SLC34A3: variants seen among roughly 807,000 people sequenced by gnomAD.
The protein encoded by SLC34A3 is solute carrier family 34 member 3.
In SLC34A3, 60 loss-of-function variants were observed where a neutral mutation model predicts 43.9. That is an observed-to-expected ratio of 1.37 (90% CI 1.11 to 1.70). The LOEUF (loss-of-function observed/expected upper bound fraction) is 1.70. Ranked by LOEUF, SLC34A3 falls within the 40% of genes most tolerant of loss-of-function variation. The probability of loss-of-function intolerance (pLI) is 0.00; values close to 1 mark genes in which losing one functional copy is unlikely to be tolerated. For missense variants in SLC34A3, 969 were observed against 823.8 expected (o/e 1.18, Z -2.16); for synonymous variants, 451 against 386.2 (o/e 1.17, Z -1.97).
chr9:137,234,983 GTCCCTGGGGGCCTGC>G lies in SLC34A3; in HGVS notation c.1335+253_1335+267del, dbSNP rs1367467288. Among the ~76,000 whole-genome samples, 1 of 152,096 alleles carries G rather than the reference GTCCCTGGGGGCCTGC, an allele frequency of 6.6e-6. No homozygotes were observed. Among genetic ancestry groups the G allele is most frequent in the East Asian group, 1.9e-4 (1 of 5,184 alleles). On this transcript the variant is annotated intron_variant, in intron 12 of 12. Coordinates refer to ENST00000673835, the MANE Select transcript of SLC34A3 (RefSeq NM_001177316.2). The surrounding 1 kb of genome is among the most constrained non-coding windows in gnomAD (Gnocchi z 6.9). Reference sequence around the variant, plus strand: ...CCACATTTTCTCAGCTCTTTGCTGTGTCCCTGGGGGCCTGCCCCCAGCATCTCAGGGGGCTCTAAG... The same window carrying G: ...CCACATTTTCTCAGCTCTTTGCTGTGCCCCAGCATCTCAGGGGGCTCTAAG...
At chr9:137,235,737 G>GCTGGA (rs1220642230) in intron 12 of SLC34A3, among the ~76,000 whole-genome samples, 1 of 152,234 alleles carries the variant, frequency 6.6e-6, no homozygotes, top group African/African-American at 2.4e-5. Context: ...GGGGTGCTGG[G>GCTGGA]CTGGACTGCA....
intron 7 of SLC34A3, 53 bp from the exon 8 acceptor site, chr9:137,233,580 G>A: frequency 6.3e-7 from 1 of 1,589,136 alleles, no homozygotes; most frequent in Admixed American, 1.7e-5. Flanking sequence ...CAGAGCCCCG[G>A]GTGAGTCCTG....
At chr9:137,232,381 C>T (rs1046623361) in intron 3 of SLC34A3, among the ~76,000 whole-genome samples, 194 bp from the exon 4 acceptor site, 8 of 152,216 alleles carry the variant, frequency 5.3e-5, no homozygotes, top group South Asian at 2.1e-4. Flanking sequence ...CCTGCTCCTG[C>T]GAGGGAGGGT....
At chr9:137,232,267 A>G in intron 3 of SLC34A3, 106 bp downstream of exon 3, 1 of 1,130,252 alleles carries the variant, frequency 8.8e-7, no homozygotes, top group Non-Finnish European at 1.3e-6. Flanking sequence ...GTGTGTGGGG[A>G]ACTCCGCCAT....
chr9:137,235,827 T>A, intron 12 of SLC34A3, 125 bp from the exon 13 acceptor site: 2 of 866,858 alleles, frequency 2.3e-6, no homozygotes. Flanking sequence ...GGCCATCTCA[T>A]CCGTGAAGCA....
intron 8 of SLC34A3, 57 bp downstream of exon 8, chr9:137,233,779 T>TACCCCCCCCCCCCC: frequency 6.9e-7 from 1 of 1,445,826 alleles, no homozygotes. Flanking sequence ...TGCTGAGTCA[T>TACCCCCCCCCCCCC]CCCGCCCCAC....
chr9:137,232,916 T>C lies in SLC34A3; in HGVS notation c.437T>C (p.Val146Ala). 6.6e-7 allele frequency: 1 copy of C among 1,524,844 alleles called. No homozygotes were observed. Among genetic ancestry groups the C allele is most frequent in the Non-Finnish European group, 8.9e-7 (1 of 1,129,004 alleles). 94.5% of individuals were successfully genotyped at this position (1,524,844 alleles called of 1,614,324 possible). The change falls in exon 5 of 13, where the codon GTG (valine) becomes GCG (alanine). Residue 146 changes from valine (V) to alanine (A), a missense_variant. Val to Ala is a moderately conservative substitution (Grantham distance 64). Transcript: ENST00000673835. ...TCCTCCTCCATCGTGGTCAGCATGGTGGCTGCTAAGCGTGGGTGCACACTC... is the reference window on the plus strand; with the variant it reads ...TCCTCCTCCATCGTGGTCAGCATGGCGGCTGCTAAGCGTGGGTGCACACTC... Reference protein sequence around the residue: ...STSSSIVVSMVAAKLLTVRVS... With the variant: ...STSSSIVVSMAAAKLLTVRVS...
intron 12 of SLC34A3, among the ~76,000 whole-genome samples, chr9:137,235,107 T>A (rs544241720): frequency 1.2e-4 from 18 of 151,270 alleles, no homozygotes; most frequent in Admixed American, 3.3e-4. Context: ...CAGGTCCCCA[T>A]CTGGACGACC....
chr9:137,233,779 T>TTGGGGCCCCCCCCCCCCCCCCCCCC, intron 8 of SLC34A3, 57 bp downstream of exon 8: 12 of 1,445,642 alleles, frequency 8.3e-6, no homozygotes, highest in Non-Finnish European at 9.6e-6. Context: ...TGCTGAGTCA[T>TTGGGGCCCCCCCCCCCCCCCCCCCC]CCCGCCCCAC....
At position 137,234,591 on chromosome 9, in the gene SLC34A3, C is replaced by T; in HGVS notation, c.1211-16C>T. The T allele has an allele frequency of 1.2e-6, 2 of 1,612,120 alleles. No individual in the cohort carries two copies. The highest frequency in any genetic ancestry group is 1.7e-6 in the Non-Finnish European group (2 of 1,179,742). ...GGCTCGGGCTGGGGTCCTGTGGTGA[C>T]TCCCAGTTCCCCCAGGGGTCGGGGT... On this transcript the variant is annotated splice_polypyrimidine_tract_variant and intron_variant, in intron 11 of 12. Transcript: ENST00000673835. This position sits in a 1 kb window ranked among gnomAD's most constrained non-coding sequence, Gnocchi z 6.9.
chr9:137,232,837 G>A lies in SLC34A3; in HGVS notation c.358G>A (p.Ala120Thr). 4 of 1,613,072 alleles carry A rather than the reference G, an allele frequency of 2.5e-6. No individual in the cohort carries two copies. Among genetic ancestry groups the A allele is most frequent in the Non-Finnish European group, 3.4e-6 (4 of 1,179,970 alleles). ...CAACGTGGTGCTGTCCAACCCTGTG[G>A]CTGGACTGGTCATTGGCGTGCTGGT... ...KDNVVLSNPV[A>T]GLVIGVLVTA... Residue 120 changes from alanine to threonine, a missense_variant, in exon 5 of 13, where the codon GCT becomes ACT. Coordinates refer to ENST00000673835, the MANE Select transcript of SLC34A3 (RefSeq NM_001177316.2).
Position 137,234,773 on chromosome 9 carries a change from C to T in SLC34A3, c.1335+42C>T, listed in dbSNP as rs745704443. The T allele has an allele frequency of 7.5e-6, 12 of 1,600,508 alleles. No individual in the cohort carries two copies. The highest frequency in any genetic ancestry group is 1.0e-5 in the Non-Finnish European group (12 of 1,179,674). On this transcript the variant is annotated intron_variant, in intron 12 of 12. Transcript: ENST00000673835. The surrounding 1 kb of genome is among the most constrained non-coding windows in gnomAD (Gnocchi z 6.9). ...CCCGCTGCCAGAACTGGCCAGCTTC[C>T]TCTCAGCCCCACAGACAGGAGTGTG...
Position 137,232,694 on chromosome 9 carries a change from C to A in SLC34A3, c.295C>A (p.Leu99Met), listed in dbSNP as rs1274750517. ...GGACGTCCTCAGCTCCGCCTTCCAGCTGCTGGGCAGTGAGTGACGGGACGG... is the reference window on the plus strand; with the variant it reads ...GGACGTCCTCAGCTCCGCCTTCCAGATGCTGGGCAGTGAGTGACGGGACGG... Reference protein sequence around the residue: ...SLDVLSSAFQLLGSKVAGDIF... With the variant: ...SLDVLSSAFQMLGSKVAGDIF... The change falls in exon 4 of 13, where the codon CTG becomes ATG. Residue 99 changes from leucine (L) to methionine (M), a missense_variant. Leu to Met is a conservative substitution (Grantham distance 15, BLOSUM62 2). Coordinates refer to ENST00000673835, the MANE Select transcript of SLC34A3 (RefSeq NM_001177316.2). 1 of 1,612,938 alleles carries A rather than the reference C, an allele frequency of 6.2e-7. No individual in the cohort carries two copies. The highest frequency in any genetic ancestry group is 8.5e-7 in the Non-Finnish European group (1 of 1,179,960).
rs761869309 is a variant in SLC34A3 at position 137,233,053 on chromosome 9, C to T, written c.498C>T (p.Gly166=). 6.2e-7 allele frequency: 1 copy of T among 1,611,876 alleles called. No individual in the cohort carries two copies. The highest frequency in any genetic ancestry group is 1.3e-5 in the African/African-American group (1 of 74,974). The change falls in exon 6 of 13, where the codon GGC becomes GGT. Residue 166 remains glycine, a synonymous_variant. Transcript: ENST00000673835. Reference sequence around the variant, plus strand: ...CCATCATCATGGGTGTCAACGTAGGCACATCCATCACCAGCACCCTGGTCT... The same window carrying T: ...CCATCATCATGGGTGTCAACGTAGGTACATCCATCACCAGCACCCTGGTCT... ...SVPIIMGVNV[G]TSITSTLVSM...
At chr9:137,233,779 T>TTGGCGCCCCCCCC in intron 8 of SLC34A3, 57 bp downstream of exon 8, 2 of 1,445,822 alleles carry the variant, frequency 1.4e-6, no homozygotes, top group Non-Finnish European at 1.9e-6. Context: ...TGCTGAGTCA[T>TTGGCGCCCCCCCC]CCCGCCCCAC....
chr9:137,235,890 C>T, intron 12 of SLC34A3, 62 bp from the exon 13 acceptor site: 1 of 1,502,072 alleles, frequency 6.7e-7, no homozygotes, highest in Non-Finnish European at 9.2e-7. Flanking sequence ...GGGCAGGGGT[C>T]CGGGGCCCCT....
rs1165088981 is a variant in SLC34A3, at chr9:137,233,153, T to C, written c.560+38T>C. On this transcript the variant is annotated intron_variant, in intron 6 of 12. Coordinates refer to ENST00000673835, the MANE Select transcript of SLC34A3 (RefSeq NM_001177316.2). The stretch of plus-strand genomic sequence containing the variant: ...TGGAAGGGCTGGGCTGGGGCTGCAG[T>C]GGCAGCCCCAGCCCGGGCCCCCCCA... 2.3e-5 allele frequency: 22 copies of C among 959,658 alleles called. No homozygotes were observed. The Admixed American group carries it at 5.1e-4, about 22-fold the overall frequency. The allele number at this position is 959,658 out of a possible 1,614,324, so 59.4% of individuals were successfully genotyped here.
chr9:137,233,779 T>TTTGGCCCCCCCCC, intron 8 of SLC34A3, 57 bp downstream of exon 8: 1 of 1,445,818 alleles, frequency 6.9e-7, no homozygotes, highest in Non-Finnish European at 9.6e-7. Context: ...TGCTGAGTCA[T>TTTGGCCCCCCCCC]CCCGCCCCAC....
intron 12 of SLC34A3, among the ~76,000 whole-genome samples, chr9:137,235,293 C>T (rs1478135701): frequency 6.6e-6 from 1 of 152,188 alleles, no homozygotes; most frequent in African/African-American, 2.4e-5. Flanking sequence ...TAAAACAGCC[C>T]GTCTGCGGCC....
Sources: gnomAD v4.1 joint callset for allele counts (sites outside exome capture counted in the v4.1 genomes callset) on GRCh38, gnomAD v4.1.1 for gene constraint, Gnocchi (gnomAD v3.1) non-coding constraint, MANE v1.5 for transcripts, NCBI Gene and HGNC (gene_info 2026-07-23, HGNC 2026-07-21) for gene names.